The following PCDHGA5 variants were observed in gnomAD, a reference collection of about 807,000 sequenced individuals.
The protein encoded by PCDHGA5 is protocadherin gamma subfamily A, 5.
A neutral mutation model predicts 56.7 loss-of-function variants in PCDHGA5; 36 were observed. The observed-to-expected ratio is 0.64, with a 90% confidence interval of 0.49 to 0.84. PCDHGA5 has a LOEUF of 0.84. PCDHGA5 is among the 40% of genes least tolerant of loss of function. PCDHGA5 has a pLI of 0.00. For synonymous variants in PCDHGA5, 563 were observed against 520.2 expected (o/e 1.08, Z -1.12); for missense variants, 1,305 against 1,201.5 (o/e 1.09, Z -1.27).
At chr5:141,436,829 G>C (rs1194891483) in intron 1 of PCDHGA5, among the ~76,000 whole-genome samples, 3 of 152,214 alleles carry the variant, frequency 2.0e-5, no homozygotes, top group African/African-American at 7.2e-5. Flanking sequence ...AAAATCTTAA[G>C]TGCCTAGGCA....
intron 1 of PCDHGA5, among the ~76,000 whole-genome samples, chr5:141,429,503 C>T (rs890656634): frequency 1.3e-5 from 2 of 151,922 alleles, no homozygotes; most frequent in Admixed American, 6.6e-5. Context: ...TTGCCTGAAA[C>T]TGTGCCTGGC....
chr5:141,455,148 A>G (rs6897410), intron 1 of PCDHGA5, among the ~76,000 whole-genome samples: 9,268 of 149,002 alleles, frequency 0.062, 567 homozygotes, highest in African/African-American at 0.16. Flanking sequence ...TTAAATAAAT[A>G]TTAGTTTGTT....
intron 1 of PCDHGA5, among the ~76,000 whole-genome samples, chr5:141,469,232 A>AC (rs1350524557): frequency 2.0e-5 from 3 of 151,722 alleles, no homozygotes; most frequent in Non-Finnish European, 4.4e-5. Flanking sequence ...AGCCATGATC[A>AC]CCCCACTGCA....
chr5:141,365,181 A>T lies in PCDHGA5; in HGVS notation c.851A>T (p.Glu284Val), dbSNP rs549713754. ...AAATTGACCTACTCTTTTCGCAATG[A>T]AGAAGAAAAAATTTCGGAGACTTTC... ...NGKLTYSFRN[E>V]EEKISETFQL... is the part of the protein sequence containing the mutation. The change falls in exon 1 of 4, where the codon GAA becomes GTA. Residue 284 changes from glutamate (E) to valine (V), a missense_variant. By Grantham distance (121) the Glu-to-Val change is moderately radical. Transcript: ENST00000518069. The T allele has an allele frequency of 3.0e-5, 48 of 1,613,864 alleles. No homozygotes were observed. The East Asian group carries it at 1.0e-3, about 35-fold the overall frequency.
At chr5:141,373,965 G>T in intron 1 of PCDHGA5, 2 of 971,546 alleles carry the variant, frequency 2.1e-6, no homozygotes, top group East Asian at 2.9e-5. Context: ...GACCTGAAAC[G>T]CTTCGCATCC....
intron 1 of PCDHGA5, chr5:141,373,829 A>T: frequency 2.5e-6 from 1 of 403,392 alleles, no homozygotes; most frequent in Non-Finnish European, 4.4e-6. Flanking sequence ...ACGATGCAGT[A>T]TTAAGTTAGG....
intron 1 of PCDHGA5, chr5:141,390,929 T>C (rs1296144036): frequency 1.3e-5 from 2 of 152,314 alleles, no homozygotes; most frequent in African/African-American, 4.8e-5. Context: ...ACTATGCTCA[T>C]TAGAAGATCA....
intron 1 of PCDHGA5, among the ~76,000 whole-genome samples, chr5:141,465,486 G>C (rs1221398075): frequency 6.6e-6 from 1 of 152,216 alleles, no homozygotes; most frequent in African/African-American, 2.4e-5. Flanking sequence ...TGAGAGGAAT[G>C]AGCGGGAGCA....
chr5:141,485,930 G>A lies in PCDHGA5; in HGVS notation c.2422-8877G>A. ...ATCCAGCTACAGGATTAGTGTGTTG[G>A]AGAGCGCACCAGCGGGCATGGTGCT... On this transcript the variant is annotated intron_variant, in intron 1 of 3. Transcript: ENST00000518069. This position sits in a 1 kb window ranked among gnomAD's most constrained non-coding sequence, Gnocchi z 5.7. The A allele has an allele frequency of 6.2e-7, 1 of 1,614,178 alleles. No homozygotes were observed. Among genetic ancestry groups the A allele is most frequent in the Non-Finnish European group, 8.5e-7 (1 of 1,180,042 alleles).
At chr5:141,384,714 A>T (rs750526941) in intron 1 of PCDHGA5, 7 of 1,614,076 alleles carry the variant, frequency 4.3e-6, no homozygotes, top group Non-Finnish European at 5.9e-6. Context: ...CCTGGCTGTC[A>T]TACCTCCTGC....
At chr5:141,388,580 G>T (rs376569160) in intron 1 of PCDHGA5, 1 of 1,613,868 alleles carries the variant, frequency 6.2e-7, no homozygotes, top group Admixed American at 1.7e-5. Flanking sequence ...ACGTTCTAGT[G>T]ACTGATGCCA....
intron 3 of PCDHGA5, among the ~76,000 whole-genome samples, chr5:141,509,065 T>A (rs1294546432): frequency 6.6e-6 from 1 of 152,018 alleles, no homozygotes; most frequent in Non-Finnish European, 1.5e-5. Context: ...AGCTCTCAGC[T>A]CCGGGGATTT....
At chr5:141,397,381 T>G (rs966351267) in intron 1 of PCDHGA5, among the ~76,000 whole-genome samples, 1 of 152,228 alleles carries the variant, frequency 6.6e-6, no homozygotes, top group Non-Finnish European at 1.5e-5. Flanking sequence ...GGGATTGGTA[T>G]AAAATTGCCA....
At chr5:141,382,782 G>A (rs1294010280) in intron 1 of PCDHGA5, 22 of 844,882 alleles carry the variant, frequency 2.6e-5, no homozygotes, top group African/African-American at 1.2e-4. Flanking sequence ...CTAAACTCAA[G>A]CCTCTATCCT....
intron 1 of PCDHGA5, chr5:141,388,788 T>C (rs1253708084): frequency 1.2e-6 from 2 of 1,613,942 alleles, no homozygotes; most frequent in Non-Finnish European, 1.7e-6. Flanking sequence ...AATTACTGTT[T>C]TAAATACATT....
chr5:141,489,381 T>A lies in PCDHGA5; in HGVS notation c.2422-5426T>A. 1 of 1,613,894 alleles carries A rather than the reference T, an allele frequency of 6.2e-7. No homozygotes were observed. The highest frequency in any genetic ancestry group is 8.5e-7 in the Non-Finnish European group (1 of 1,179,802). ...CTGAGCCGGGGACGCTGGTGGGGAATGTTGCTCAGGATCTGGGCTTAAAGA... is the reference window on the plus strand; with the variant it reads ...CTGAGCCGGGGACGCTGGTGGGGAAAGTTGCTCAGGATCTGGGCTTAAAGA... On this transcript the variant is annotated intron_variant, in intron 1 of 3. Transcript: ENST00000518069. The surrounding 1 kb of genome is among the most constrained non-coding windows in gnomAD (Gnocchi z 4.5).
chr5:141,384,731 C>T, intron 1 of PCDHGA5: 1 of 1,614,086 alleles, frequency 6.2e-7, no homozygotes, highest in South Asian at 1.1e-5. Context: ...CTGCTTAAGG[C>T]CAGCGAGCCA....
intron 1 of PCDHGA5, chr5:141,373,991 A>G (rs1241221882): frequency 8.2e-7 from 1 of 1,223,018 alleles, no homozygotes; most frequent in Non-Finnish European, 1.1e-6. Context: ...CTGCTTGTTG[A>G]AGGACCTTCA....
chr5:141,467,952 C>A (rs1341210155), intron 1 of PCDHGA5, among the ~76,000 whole-genome samples: 1 of 152,186 alleles, frequency 6.6e-6, no homozygotes, highest in Non-Finnish European at 1.5e-5. Flanking sequence ...AGCCACCACA[C>A]CCGGCTGCCA....
Sources: allele counts gnomAD v4.1 joint callset (sites outside exome capture counted in the v4.1 genomes callset), GRCh38; gene constraint gnomAD v4.1.1; non-coding constraint Gnocchi (gnomAD v3.1); transcripts MANE v1.5; gene names NCBI Gene and HGNC (gene_info 2026-07-23, HGNC 2026-07-21).